ANO7: variants seen among roughly 807,000 people sequenced by gnomAD.
ANO7 encodes anoctamin-7.
In ANO7, 114 loss-of-function variants were observed where a neutral mutation model predicts 115.8. That is an observed-to-expected ratio of 0.98 (90% CI 0.85 to 1.15). The LOEUF (loss-of-function observed/expected upper bound fraction) is 1.15. Ranked by LOEUF, ANO7 falls within the 50% of genes most tolerant of loss-of-function variation. The pLI, the probability that ANO7 is intolerant of heterozygous loss-of-function variation, is 0.00. For synonymous variants in ANO7, 550 were observed against 498.2 expected (o/e 1.10, Z -1.38); for missense variants, 1,302 against 1,201.2 (o/e 1.08, Z -1.24).
chr2:241,193,327 C>T (rs2068248593), intron 3 of ANO7, among the ~76,000 whole-genome samples: 1 of 152,146 alleles, frequency 6.6e-6, no homozygotes, highest in Admixed American at 6.6e-5. Context: ...GCCTTGGCCT[C>T]CAAAAGTGCT....
At chr2:241,236,259 C>T in the ANO7 span, 1 of 309,494 alleles carries the variant, frequency 3.2e-6, no homozygotes, top group Non-Finnish European at 6.1e-6. Context: ...GTGAGCTAGG[C>T]CTGATAACCC....
chr2:241,233,826 C>T, the ANO7 span: 10 of 1,614,200 alleles, frequency 6.2e-6, no homozygotes, highest in East Asian at 2.2e-5. The surrounding 1 kb of genome is among the most constrained non-coding windows in gnomAD (Gnocchi z 4.3). Context: ...TCACCTGGTT[C>T]CCATCGTCCT....
chr2:241,218,346 G>C lies in ANO7; in HGVS notation c.2286G>C (p.Pro762=), dbSNP rs943347226. 4 of 1,483,912 alleles carry C rather than the reference G, an allele frequency of 2.7e-6. No homozygotes were observed. The African/African-American group carries it at 4.4e-5, about 16-fold the overall frequency. 91.9% of individuals were successfully genotyped at this position (1,483,912 alleles called of 1,614,324 possible). The change falls in exon 21 of 25, where the codon CCG becomes CCC. Residue 762 remains proline, a synonymous_variant. Coordinates refer to ENST00000674324, the MANE Select transcript of ANO7 (RefSeq NM_001370694.2). ...TCAACTTCACGCTGGCGCGAGCCCC[G>C]TCCTCCTTCGCCGCCGCGCACAACC... The part of the protein sequence containing the change: ...GFLNFTLARA[P]SSFAAAHNRT...
At chr2:241,200,283 ATGAG>A in intron 6 of ANO7, 58 bp downstream of exon 6, 1 of 1,574,928 alleles carries the variant, frequency 6.3e-7, no homozygotes, top group Non-Finnish European at 8.6e-7. Context: ...GAGTCGGTGA[ATGAG>A]TGAGCGGAAC....
chr2:241,235,438 G>A, the ANO7 span: 1 of 1,485,826 alleles, frequency 6.7e-7, no homozygotes, highest in Non-Finnish European at 9.4e-7. Flanking sequence ...GCACTCGGGA[G>A]AGGATGCGAC....
At chr2:241,206,648 AGGTGGG>A in intron 10 of ANO7, among the ~76,000 whole-genome samples, 1 of 48,648 alleles carries the variant, frequency 2.1e-5, no homozygotes, top group Non-Finnish European at 3.9e-5. Flanking sequence ...CCAGGCTGAC[AGGTGGG>A]CAGGAGTGCT....
Position 241,212,085 on chromosome 2 carries a change from A to G in ANO7, c.1562-9A>G. On this transcript the variant is annotated splice_polypyrimidine_tract_variant and intron_variant, in intron 15 of 24. Coordinates refer to ENST00000674324, the MANE Select transcript of ANO7 (RefSeq NM_001370694.2). ...CCCAGGGACTGAGCCCAGGCTCTCC[A>G]TGCCACAGAAATGCACCGCACCCAG... The G allele has an allele frequency of 3.7e-6, 6 of 1,613,300 alleles. No individual in the cohort carries two copies. Among genetic ancestry groups the G allele is most frequent in the Non-Finnish European group, 5.1e-6 (6 of 1,179,422 alleles).
At chr2:241,217,603 TG>T in intron 19 of ANO7, 82 bp from the exon 20 acceptor site, 1 of 1,453,122 alleles carries the variant, frequency 6.9e-7, no homozygotes, top group Non-Finnish European at 9.3e-7. Flanking sequence ...CCACGTGGAC[TG>T]GCCGGTCCTC....
chr2:241,216,108 G>A lies in ANO7; in HGVS notation c.1842G>A (p.Trp614Ter), dbSNP rs763374562. The change falls in exon 19 of 25, where the codon TGG becomes TGA. Residue 614 changes from tryptophan to a stop codon, truncating the protein, a stop_gained. Transcript: ENST00000674324. LOFTEE classifies it high-confidence loss of function. Reference sequence around the variant, plus strand: ...CCGTCCCCAGGAAGCTAAAGGGCTGGTGGCAGAAGTTCCGGCTTCGCTCCA... The same window carrying A: ...CCGTCCCCAGGAAGCTAAAGGGCTGATGGCAGAAGTTCCGGCTTCGCTCCA... ...QEVLIPKLKG[W>*]WQKFRLRSKK... 3.7e-6 allele frequency: 6 copies of A among 1,610,340 alleles called. No homozygotes were observed. Among genetic ancestry groups the A allele is most frequent in the Non-Finnish European group, 5.1e-6 (6 of 1,178,902 alleles).
At chr2:241,202,547 G>A (rs1417130104) in intron 8 of ANO7, among the ~76,000 whole-genome samples, 5 of 152,226 alleles carry the variant, frequency 3.3e-5, no homozygotes, top group Non-Finnish European at 7.3e-5. Context: ...ACGGGAACAG[G>A]CCGGTCCCTG....
rs140022239 is a variant in ANO7 at position 241,197,454 on chromosome 2, C to T, written c.309+1609C>T. On this transcript the variant is annotated intron_variant, in intron 4 of 24. Transcript: ENST00000674324. ...TGGCCGGAGTGCAGTGGTGCAGTCACGGCTCTCTGCAGCCTCAATCTCCCG... is the reference window on the plus strand; with the variant it reads ...TGGCCGGAGTGCAGTGGTGCAGTCATGGCTCTCTGCAGCCTCAATCTCCCG... Among the ~76,000 whole-genome samples, 1,088 of 152,166 alleles carry T rather than the reference C, an allele frequency of 7.2e-3. 13 individuals are homozygous for T. Among genetic ancestry groups the T allele is most frequent in the African/African-American group, 0.025 (1,035 of 41,502 alleles).
chr2:241,189,565 C>T (rs184956977), intron 1 of ANO7, among the ~76,000 whole-genome samples: 62 of 152,270 alleles, frequency 4.1e-4, no homozygotes, highest in Non-Finnish European at 7.1e-4. Flanking sequence ...CCATCAGGCC[C>T]GCCTTGCTGG....
In ANO7 at chr2:241,224,283, C is replaced by A; in HGVS notation, c.*130C>A. 9.7e-7 allele frequency: 1 copy of A among 1,031,424 alleles called. No individual in the cohort carries two copies. Among genetic ancestry groups the A allele is most frequent in the Non-Finnish European group, 1.4e-6 (1 of 708,300 alleles). 63.9% of individuals were successfully genotyped at this position (1,031,424 alleles called of 1,614,324 possible). Reference sequence around the variant, plus strand: ...GCTGCTGTTGTGCCTCATCTCTGGGCACATTGCCTGCTTCCCCCCAGCGCC... The same window carrying A: ...GCTGCTGTTGTGCCTCATCTCTGGGAACATTGCCTGCTTCCCCCCAGCGCC... On this transcript the variant is annotated 3_prime_UTR_variant, in exon 25 of 25. Coordinates refer to ENST00000674324, the MANE Select transcript of ANO7 (RefSeq NM_001370694.2).
Position 241,203,816 on chromosome 2 carries a change from C to A in ANO7, c.889+318C>A, listed in dbSNP as rs759446384. Among the ~76,000 whole-genome samples the A allele has an allele frequency of 6.6e-6, 1 of 152,150 alleles. No individual in the cohort carries two copies. Among genetic ancestry groups the A allele is most frequent in the Admixed American group, 6.5e-5 (1 of 15,308 alleles). On this transcript the variant is annotated intron_variant, in intron 9 of 24. Transcript: ENST00000674324. The surrounding 1 kb of genome is among the most constrained non-coding windows in gnomAD (Gnocchi z 4.8). ...TGAGGCCCTGGGGCAACCCCAGGAA[C>A]TTCCATCCTAGGGAGGTCGCCCCTG...
chr2:241,207,394 A>G (rs950904882), intron 10 of ANO7, among the ~76,000 whole-genome samples, 180 bp from the exon 11 acceptor site: 1 of 152,264 alleles, frequency 6.6e-6, no homozygotes, highest in Non-Finnish European at 1.5e-5. Context: ...AACTTAACTC[A>G]GACATTGTCA....
intron 4 of ANO7, 189 bp from the exon 5 acceptor site, chr2:241,199,127 G>A (rs927023771): frequency 1.4e-5 from 8 of 583,514 alleles, no homozygotes; most frequent in East Asian, 5.9e-5. Flanking sequence ...CGGGGCTGTC[G>A]AGGCCCGGTT....
the ANO7 span, chr2:241,236,537 C>G: frequency 6.8e-7 from 1 of 1,471,464 alleles, no homozygotes; most frequent in Non-Finnish European, 9.4e-7. Flanking sequence ...CCGTCCATCC[C>G]ATCCAGGCCA....
At chr2:241,196,027 A>G in intron 4 of ANO7, 182 bp downstream of exon 4, 10 of 1,459,812 alleles carry the variant, frequency 6.9e-6, no homozygotes, top group Non-Finnish European at 9.0e-6. Context: ...TGCTGTCCAG[A>G]GGCGGAGGTA....
Position 241,217,797 on chromosome 2 carries a change from G to C in ANO7, c.2084G>C (p.Cys695Ser). The C allele has an allele frequency of 4.3e-6, 7 of 1,610,426 alleles. No individual in the cohort carries two copies. Among genetic ancestry groups the C allele is most frequent in the Non-Finnish European group, 5.1e-6 (6 of 1,179,078 alleles). ...CGCTTGGACGCGCGCAAGTTCGTCT[G>C]CGAGTACCGGCGCCCGGTGGCCGAG... ...EIRLDARKFVCEYRRPVAERA... is the reference protein window; with the variant it reads ...EIRLDARKFVSEYRRPVAERA... Residue 695 changes from cysteine to serine, a missense_variant, in exon 20 of 25, where the codon TGC (cysteine) becomes TCC (serine). Transcript: ENST00000674324.
Sources: allele counts gnomAD v4.1 joint callset (sites outside exome capture counted in the v4.1 genomes callset), GRCh38; gene constraint gnomAD v4.1.1; non-coding constraint Gnocchi (gnomAD v3.1); transcripts MANE v1.5; gene names NCBI Gene and HGNC (gene_info 2026-07-23, HGNC 2026-07-21).